MAG: variants seen among roughly 807,000 people sequenced by gnomAD.
MAG encodes myelin-associated glycoprotein.
In MAG, 30 loss-of-function variants were observed where a neutral mutation model predicts 60.7. The observed-to-expected ratio is 0.49, with a 90% CI of 0.37 to 0.67. MAG has a LOEUF of 0.67. MAG is among the 30% of genes least tolerant of loss of function. The pLI, the probability that MAG is intolerant of heterozygous loss-of-function variation, is 0.00. For synonymous variants in MAG, 384 were observed against 376.8 expected (o/e 1.02, Z -0.22); for missense variants, 795 against 851.7 (o/e 0.93, Z 0.83).
chr19:35,311,854 C>T, intron 9 of MAG, 64 bp from the exon 10 acceptor site: 2 of 1,222,992 alleles, frequency 1.6e-6, no homozygotes, highest in Non-Finnish European at 2.4e-6. Flanking sequence ...GAGCCAAACT[C>T]CTAAAACACG....
chr19:35,295,343 T>C lies in MAG; in HGVS notation c.-23-43T>C. Reference sequence around the variant, plus strand: ...CCTGAAGCCCAGATGGAACACCCCCTTTCACTTCCCCCAGCCTTTAACCCT... The same window carrying C: ...CCTGAAGCCCAGATGGAACACCCCCCTTCACTTCCCCCAGCCTTTAACCCT... On this transcript the variant is annotated intron_variant, in intron 2 of 10. Transcript: ENST00000392213. The surrounding 1 kb of genome is among the most constrained non-coding windows in gnomAD (Gnocchi z 5.8). 6.3e-7 allele frequency: 1 copy of C among 1,578,042 alleles called. No individual in the cohort carries two copies. The highest frequency in any genetic ancestry group is 8.7e-7 in the Non-Finnish European group (1 of 1,152,316).
intron 10 of MAG, chr19:35,312,441 C>G (rs1453441073): frequency 2.1e-6 from 2 of 969,756 alleles, no homozygotes; most frequent in Non-Finnish European, 3.3e-6. Flanking sequence ...GATGTCCGGG[C>G]CTGCCCGGCA....
At position 35,302,573 on chromosome 19, in the gene MAG, C is replaced by T; in HGVS notation, c.1096C>T (p.Leu366=). ...CACCATCTTCAAGGAGAAGCAGATC[C>T]TGTCCACGGTCATCTACGAGAGCGA... The part of the protein sequence containing the change: ...ILTIFKEKQI[L]STVIYESELQ... Residue 366 remains leucine, a synonymous_variant, in exon 7 of 11, where the codon CTG becomes TTG. Coordinates refer to ENST00000392213, the MANE Select transcript of MAG (RefSeq NM_002361.4). The T allele has an allele frequency of 6.2e-7, 1 of 1,614,234 alleles. No homozygotes were observed.
At chr19:35,305,076 G>C (rs2285448) in intron 7 of MAG, among the ~76,000 whole-genome samples, 1 of 152,072 alleles carries the variant, frequency 6.6e-6, no homozygotes, top group Non-Finnish European at 1.5e-5. Flanking sequence ...TCTTGAAAAC[G>C]AACACGCAGG....
chr19:35,306,879 G>A (rs1015314459), intron 7 of MAG, among the ~76,000 whole-genome samples: 1 of 152,250 alleles, frequency 6.6e-6, no homozygotes. Flanking sequence ...GCCTCACCCA[G>A]CCAGTAGATG....
intron 7 of MAG, among the ~76,000 whole-genome samples, chr19:35,306,649 G>C (rs1030580021): frequency 6.6e-6 from 1 of 152,120 alleles, no homozygotes; most frequent in Non-Finnish European, 1.5e-5. Flanking sequence ...TGTTGCCCAG[G>C]CTGGTCTCAA....
Position 35,300,335 on chromosome 19 carries a change from G to C in MAG, c.901G>C (p.Gly301Arg), listed in dbSNP as rs1336057539. ...GGAGGAGGTGACCCCCGCCGAAGAC[G>C]GCGTCTATGCCTGCCTGGCCGAGAA... ...ELEEVTPAED[G>R]VYACLAENAY... The change falls in exon 6 of 11, where the codon GGC becomes CGC. Residue 301 changes from glycine (G) to arginine (R), a missense_variant. Coordinates refer to ENST00000392213, the MANE Select transcript of MAG (RefSeq NM_002361.4). 2 of 1,598,952 alleles carry C rather than the reference G, an allele frequency of 1.3e-6. No homozygotes were observed. Among genetic ancestry groups the C allele is most frequent in the African/African-American group, 1.3e-5 (1 of 75,050 alleles).
chr19:35,299,693 G>A lies in MAG; in HGVS notation c.555G>A (p.Val185=). The change falls in exon 5 of 11, where the codon GTG becomes GTA. Residue 185 remains valine (V), a synonymous_variant. Coordinates refer to ENST00000392213, the MANE Select transcript of MAG (RefSeq NM_002361.4). The part of the protein sequence containing the change: ...LGHEGLGEPA[V]LGRLREDEGT... ...ACGAGGGGCTGGGGGAGCCCGCTGT[G>A]CTGGGCCGGCTGCGGGAGGACGAGG... 6.3e-7 allele frequency: 1 copy of A among 1,591,462 alleles called. No individual in the cohort carries two copies. Among genetic ancestry groups the A allele is most frequent in the East Asian group, 2.3e-5 (1 of 43,208 alleles).
intron 8 of MAG, 50 bp downstream of exon 8, chr19:35,310,211 C>G (rs200034838): frequency 1.2e-4 from 194 of 1,560,816 alleles, no homozygotes; most frequent in Non-Finnish European, 5.0e-5. Context: ...GCGGGCACGT[C>G]TTAGATCCAA....
intron 9 of MAG, among the ~76,000 whole-genome samples, chr19:35,311,617 C>G (rs923148068): frequency 2.6e-5 from 4 of 152,224 alleles, no homozygotes; most frequent in African/African-American, 7.2e-5. Context: ...TGCTCCACAT[C>G]CTGGTGGCAA....
intron 7 of MAG, among the ~76,000 whole-genome samples, chr19:35,305,092 G>A (rs1056623400): frequency 3.3e-5 from 5 of 152,170 alleles, no homozygotes; most frequent in African/African-American, 9.7e-5. Flanking sequence ...GCAGGCAGAT[G>A]TGGAGTGTGC....
At chr19:35,304,799 C>A (rs1438791799) in intron 7 of MAG, among the ~76,000 whole-genome samples, 2 of 152,192 alleles carry the variant, frequency 1.3e-5, no homozygotes, top group African/African-American at 2.4e-5. Flanking sequence ...CTCGGCCTCC[C>A]AAAGTGCTGG....
rs1568469322 is a variant in MAG, at chr19:35,293,619, ACCC to A, written c.-79-615_-79-613del. ...AAACCCTGGCTGCAACCCCAAGGCA[ACCC>A]ATGGAGCAGCAGGGTGCCAGGGGCT... On this transcript the variant is annotated intron_variant, in intron 1 of 10. Transcript: ENST00000392213. The surrounding 1 kb of genome is among the most constrained non-coding windows in gnomAD (Gnocchi z 4.0). Among the ~76,000 whole-genome samples, 1 of 151,912 alleles carries A rather than the reference ACCC, an allele frequency of 6.6e-6. No homozygotes were observed. Among genetic ancestry groups the A allele is most frequent in the Non-Finnish European group, 1.5e-5 (1 of 67,936 alleles).
chr19:35,292,739 C>T (rs1164423649), intron 1 of MAG, among the ~76,000 whole-genome samples: 2 of 152,080 alleles, frequency 1.3e-5, no homozygotes, highest in East Asian at 1.9e-4. Context: ...TCATTAATCC[C>T]CACTAAGGAC....
chr19:35,313,099 A>G (rs1032696351), intron 10 of MAG, among the ~76,000 whole-genome samples, 191 bp from the exon 11 acceptor site: 1 of 152,156 alleles, frequency 6.6e-6, no homozygotes, highest in Non-Finnish European at 1.5e-5. Context: ...AATGATTAAC[A>G]CTGGCAGAAG....
In MAG at chr19:35,313,610, C is replaced by A; in HGVS notation, c.*156C>A. Reference sequence around the variant, plus strand: ...GTCCTGGGGGCCTGACCTCCCCCTCCTTCCCAGCTGCCCCTCCCTGCCAGC... The same window carrying A: ...GTCCTGGGGGCCTGACCTCCCCCTCATTCCCAGCTGCCCCTCCCTGCCAGC... On this transcript the variant is annotated 3_prime_UTR_variant, in exon 11 of 11. Transcript: ENST00000392213. The A allele has an allele frequency of 1.5e-6, 1 of 667,606 alleles. No homozygotes were observed. The highest frequency in any genetic ancestry group is 2.5e-6 in the Non-Finnish European group (1 of 404,086). The allele number at this position is 667,606 out of a possible 1,614,324, so 41.4% of individuals were successfully genotyped here. A position where few individuals can be genotyped will look rare whatever the true frequency, so the allele number is the denominator to read the frequency against.
In MAG at chr19:35,300,548, A is replaced by C. The variant is rs937404582; in HGVS notation, c.970+144A>C. On this transcript the variant is annotated intron_variant, in intron 6 of 10. Transcript: ENST00000392213. ...GGCCAAGGTAGACAGGGGGGTTGCA[A>C]GTCAAGGTGTACCTTCATTCTTTCC... 7 of 1,028,546 alleles carry C rather than the reference A, an allele frequency of 6.8e-6. No individual in the cohort carries two copies. In the African/African-American group the frequency reaches 1.1e-4, roughly 17 times the overall value. 63.7% of individuals were successfully genotyped at this position (1,028,546 alleles called of 1,614,324 possible). A position where few individuals can be genotyped will look rare whatever the true frequency, so the allele number is the denominator to read the frequency against.
chr19:35,296,109 C>A, intron 4 of MAG, 128 bp downstream of exon 4: 1 of 1,334,476 alleles, frequency 7.5e-7, no homozygotes, highest in Non-Finnish European at 1.0e-6. Flanking sequence ...GCTGATTTGG[C>A]TGGGGGTGCA....
At chr19:35,302,113 T>G (rs2066452838) in intron 6 of MAG, among the ~76,000 whole-genome samples, 1 of 152,134 alleles carries the variant, frequency 6.6e-6, no homozygotes, top group African/African-American at 2.4e-5. Context: ...TGCCTGTCAC[T>G]CAGCAGGTTC....
Sources: allele counts gnomAD v4.1 joint callset (sites outside exome capture counted in the v4.1 genomes callset), GRCh38; gene constraint gnomAD v4.1.1; non-coding constraint Gnocchi (gnomAD v3.1); transcripts MANE v1.5; gene names NCBI Gene and HGNC (gene_info 2026-07-23, HGNC 2026-07-21).